The following CNTRL variants were observed in gnomAD, a reference collection of about 807,000 sequenced individuals.
The protein encoded by CNTRL is 110 kDa centrosomal protein.
In CNTRL, 233 loss-of-function variants were observed where a neutral mutation model predicts 303.7. The ratio of observed to expected loss-of-function variants is 0.77; its 90% CI spans 0.69 to 0.86. CNTRL has a LOEUF of 0.86. Among genes scored for constraint, CNTRL ranks in the 40% least tolerant of loss-of-function variants. The pLI is 0.00. For missense variants in CNTRL, 2,524 were observed against 2,650.6 expected (o/e 0.95, Z 1.05); for synonymous variants, 900 against 922.2 (o/e 0.98, Z 0.44).
At position 121,141,484 on chromosome 9, in the gene CNTRL, G is replaced by A. The variant is rs1161619502; in HGVS notation, c.2587G>A (p.Val863Ile). 5.6e-6 allele frequency: 9 copies of A among 1,614,094 alleles called. No homozygotes were observed. In the East Asian group the frequency reaches 2.0e-4, roughly 36 times the overall value. The change falls in exon 18 of 44, where the codon GTT becomes ATT. Residue 863 changes from valine (V) to isoleucine (I), a missense_variant. Physicochemically the swap from Val to Ile is conservative, Grantham distance 29. Coordinates refer to ENST00000373855, the MANE Select transcript of CNTRL (RefSeq NM_007018.6). Reference protein sequence around the residue: ...RSKWERDEAQVRERKLQEEMA... With the variant: ...RSKWERDEAQIRERKLQEEMA... The stretch of plus-strand genomic sequence containing the variant: ...CAAGTGGGAAAGAGATGAAGCACAA[G>A]TTAGAGAGAGAAAACTCCAAGAAGA...
intron 7 of CNTRL, among the ~76,000 whole-genome samples, chr9:121,106,237 G>C (rs2049461487): frequency 6.6e-6 from 1 of 151,422 alleles, no homozygotes; most frequent in Non-Finnish European, 1.5e-5. Flanking sequence ...TATTTGGGAA[G>C]CTGAGAGAAG....
Position 121,157,506 on chromosome 9 carries a change from A to C in CNTRL, c.4402A>C (p.Arg1468=). 6.2e-7 allele frequency: 1 copy of C among 1,614,112 alleles called. No homozygotes were observed. Among genetic ancestry groups the C allele is most frequent in the Non-Finnish European group, 8.5e-7 (1 of 1,179,990 alleles). Residue 1468 remains arginine (R), a synonymous_variant, in exon 28 of 44, where the codon AGA becomes CGA. Transcript: ENST00000373855. The stretch of plus-strand genomic sequence containing the variant: ...TGTTGAAAAGTTCACTGATGCCAAG[A>C]GAAGTTTATTGCAAACTGAGTCAGA... ...NAVEKFTDAK[R]SLLQTESDAE... is the part of the protein sequence containing the mutation.
chr9:121,169,868 T>A, intron 39 of CNTRL, 52 bp downstream of exon 39: 1 of 1,453,946 alleles, frequency 6.9e-7, no homozygotes, highest in African/African-American at 1.4e-5. Flanking sequence ...ATTTAAAATT[T>A]TAAACTGCAA....
At chr9:121,092,890 T>C (rs1039045983) in intron 4 of CNTRL, among the ~76,000 whole-genome samples, 4 of 143,784 alleles carry the variant, frequency 2.8e-5, no homozygotes, top group Non-Finnish European at 6.0e-5. Flanking sequence ...CACTGCAACA[T>C]CCTACTCCCT....
chr9:121,112,427 G>T (rs780731807), intron 8 of CNTRL, 32 bp from the exon 9 acceptor site: 1 of 1,604,290 alleles, frequency 6.2e-7, no homozygotes, highest in South Asian at 1.1e-5. Flanking sequence ...TACTGATCCT[G>T]TATGTTGTCT....
At chr9:121,162,812 CA>C (rs2052913599) in intron 34 of CNTRL, among the ~76,000 whole-genome samples, 1 of 152,012 alleles carries the variant, frequency 6.6e-6, no homozygotes, top group Non-Finnish European at 1.5e-5. Context: ...CTGTAGTAAT[CA>C]AAACACTGTG....
intron 7 of CNTRL, among the ~76,000 whole-genome samples, chr9:121,107,557 A>G (rs1384978455): frequency 1.3e-5 from 2 of 152,192 alleles, no homozygotes; most frequent in Non-Finnish European, 2.9e-5. Flanking sequence ...TTATCAGCAC[A>G]CTAATTGGAT....
chr9:121,115,146 T>G lies in CNTRL; in HGVS notation c.1401T>G (p.Ile467Met). ...HDEIEKAEQQ[I>M]LRATEEFKQL... ...AAATAGAAAAGGCAGAACAACAAAT[T>G]TTGAGAGCTACTGAAGAATTTAAAC... The change falls in exon 11 of 44, where the codon ATT becomes ATG. Residue 467 changes from isoleucine to methionine, a missense_variant. Transcript: ENST00000373855. 6.2e-7 allele frequency: 1 copy of G among 1,611,106 alleles called. No individual in the cohort carries two copies. Among genetic ancestry groups the G allele is most frequent in the Non-Finnish European group, 8.5e-7 (1 of 1,178,574 alleles).
At chr9:121,144,170 A>G (rs537788072) in intron 20 of CNTRL, 88 bp downstream of exon 20, 9 of 1,173,982 alleles carry the variant, frequency 7.7e-6, no homozygotes, top group African/African-American at 6.2e-5. Context: ...TGCTATAGAC[A>G]TTGGTTATTT....
At chr9:121,133,027 C>T (rs2050958978) in intron 14 of CNTRL, among the ~76,000 whole-genome samples, 1 of 152,192 alleles carries the variant, frequency 6.6e-6, no homozygotes, top group Non-Finnish European at 1.5e-5. Flanking sequence ...CCCAGAGGGG[C>T]ACCCGCCTGT....
chr9:121,108,440 C>G (rs999386707), intron 8 of CNTRL, among the ~76,000 whole-genome samples: 4 of 152,154 alleles, frequency 2.6e-5, no homozygotes, highest in Non-Finnish European at 5.9e-5. Flanking sequence ...TTAAGACTTT[C>G]CACTATCCCA....
rs1287187001 is a variant in CNTRL, at chr9:121,075,009, G to T, written c.-263G>T. 2 of 454,374 alleles carry T rather than the reference G, an allele frequency of 4.4e-6. No individual in the cohort carries two copies. Among genetic ancestry groups the T allele is most frequent in the African/African-American group, 4.0e-5 (2 of 50,048 alleles). The allele number at this position is 454,374 out of a possible 1,614,324, so 28.1% of individuals were successfully genotyped here. ...GCGCCGCTGGGCCCCTGAGGAAAGA[G>T]CCCGAACTTCTCCCGCTCTACCTCA... On this transcript the variant is annotated 5_prime_UTR_variant, in exon 1 of 44. Coordinates refer to ENST00000373855, the MANE Select transcript of CNTRL (RefSeq NM_007018.6).
chr9:121,126,185 G>A (rs2050512953), intron 14 of CNTRL, among the ~76,000 whole-genome samples: 1 of 151,816 alleles, frequency 6.6e-6, no homozygotes, highest in South Asian at 2.1e-4. Context: ...GAAAGGTATT[G>A]TTGCCAAATA....
intron 38 of CNTRL, 42 bp downstream of exon 38, chr9:121,168,363 T>G: frequency 6.4e-7 from 1 of 1,557,932 alleles, no homozygotes; most frequent in Non-Finnish European, 8.8e-7. Flanking sequence ...GGGGTATGGA[T>G]TGGCTCTGCT....
rs2048507633 is a variant in CNTRL at position 121,090,267 on chromosome 9, A to G, written c.218-8A>G. The G allele has an allele frequency of 1.3e-6, 2 of 1,590,050 alleles. No homozygotes were observed. Among genetic ancestry groups the G allele is most frequent in the Non-Finnish European group, 1.7e-6 (2 of 1,170,200 alleles). ...TCTACTGATGATGATCTGTTTCTAT[A>G]ATTTCAGGAGCTGATTCACATGCAG... is the stretch of plus-strand genomic sequence containing the variant. On this transcript the variant is annotated splice_polypyrimidine_tract_variant and splice_region_variant and intron_variant, in intron 3 of 43. Coordinates refer to ENST00000373855, the MANE Select transcript of CNTRL (RefSeq NM_007018.6).
In CNTRL at chr9:121,090,308, CAG is replaced by C; in HGVS notation, c.254_255del (p.Glu85GlyfsTer4). ...TCACATGCAGGAGTTAGATATATTA[CAG>C]AGGCCCTCATTAAAAAACTTACTAA... On this transcript the variant is annotated frameshift_variant, in exon 4 of 44. Transcript: ENST00000373855. LOFTEE classifies it high-confidence loss of function. The C allele has an allele frequency of 6.2e-7, 1 of 1,611,614 alleles. No homozygotes were observed. Among genetic ancestry groups the C allele is most frequent in the South Asian group, 1.1e-5 (1 of 90,874 alleles).
chr9:121,138,734 A>T lies in CNTRL; in HGVS notation c.2337+55A>T, dbSNP rs140443151. ...TTACACAGAACACCCAAAGATGATG[A>T]TATCTTTAGTCAGGCACTTAGCAAC... On this transcript the variant is annotated intron_variant, in intron 16 of 43. Transcript: ENST00000373855. The T allele has an allele frequency of 4.0e-4, 635 of 1,570,980 alleles. 6 individuals carry two copies. In the African/African-American group the frequency reaches 7.9e-3, roughly 20 times the overall value.
intron 14 of CNTRL, among the ~76,000 whole-genome samples, chr9:121,127,471 T>G (rs1222144259): frequency 6.6e-6 from 1 of 152,178 alleles, no homozygotes. Flanking sequence ...GCCACATCCT[T>G]GCCAACGCTG....
chr9:121,122,831 G>A (rs925904894), intron 12 of CNTRL, among the ~76,000 whole-genome samples: 4 of 152,110 alleles, frequency 2.6e-5, no homozygotes, highest in Admixed American at 6.5e-5. Context: ...TTCAGGGTGC[G>A]GGAGGGTGTG....
Sources: allele counts gnomAD v4.1 joint callset (sites outside exome capture counted in the v4.1 genomes callset), GRCh38; gene constraint gnomAD v4.1.1; transcripts MANE v1.5; gene names NCBI Gene and HGNC (gene_info 2026-07-23, HGNC 2026-07-21).